DLG2: variants seen among roughly 807,000 people sequenced by gnomAD.
DLG2 encodes the protein discs large MAGUK scaffold protein 2.
DLG2 carries 45 observed loss-of-function variants against 132.5 expected under a neutral mutation model. The observed-to-expected ratio is 0.34, with a 90% confidence interval of 0.27 to 0.44. DLG2 has a LOEUF of 0.44. Among genes scored for constraint, DLG2 ranks in the 20% least tolerant of loss-of-function variants. DLG2 has a pLI of 1.00. For synonymous variants in DLG2, 424 were observed against 419.6 expected, an observed-to-expected ratio of 1.01 and a Z score of -0.13; for missense variants, 1,045 against 1,196.9, an observed-to-expected ratio of 0.87 and a Z score of 1.87.
intron 7 of DLG2, among the ~76,000 whole-genome samples, chr11:84,480,605 T>A (rs1357412847): frequency 6.6e-6 from 1 of 152,112 alleles, no homozygotes; most frequent in East Asian, 1.9e-4. Context: ...TATGAAGAAA[T>A]GCCTGGGTTT....
intron 5 of DLG2, among the ~76,000 whole-genome samples, chr11:85,153,595 C>A (rs541016104): frequency 6.6e-6 from 1 of 152,090 alleles, no homozygotes; most frequent in East Asian, 1.9e-4. Context: ...AAAATACTCC[C>A]AATTATTTTA....
At chr11:84,151,011 G>A (rs2095275310) in intron 9 of DLG2, among the ~76,000 whole-genome samples, 1 of 152,136 alleles carries the variant, frequency 6.6e-6, no homozygotes, top group Non-Finnish European at 1.5e-5. Context: ...CAGTTTGCTA[G>A]TATTTTGTTG....
At chr11:83,636,476 G>A (rs1431016804) in intron 18 of DLG2, among the ~76,000 whole-genome samples, 4 of 152,124 alleles carry the variant, frequency 2.6e-5, no homozygotes, top group East Asian at 1.9e-4. Flanking sequence ...AGATGAACAT[G>A]CATCTCCCCT....
chr11:83,745,663 G>A lies in DLG2; in HGVS notation c.1825+41027C>T, dbSNP rs181782380. Among the ~76,000 whole-genome samples the A allele has an allele frequency of 1.8e-3, 270 of 152,052 alleles. 3 individuals carry two copies. The highest frequency in any genetic ancestry group is 5.8e-3 in the African/African-American group (240 of 41,494). ...CTAAAAATATAAAAATTAGCCTGGC[G>A]TGGTGGCATGCACCTGTAGTCCCAG... On this transcript the variant is annotated intron_variant, in intron 18 of 27. Transcript: ENST00000376104.
At chr11:83,567,363 G>C (rs1352200228) in intron 19 of DLG2, among the ~76,000 whole-genome samples, 3 of 152,104 alleles carry the variant, frequency 2.0e-5, no homozygotes, top group Admixed American at 6.6e-5. Flanking sequence ...AATAGCAATA[G>C]AATAAAAAAG....
chr11:84,061,339 T>C (rs1213126740), intron 10 of DLG2, among the ~76,000 whole-genome samples: 1 of 152,206 alleles, frequency 6.6e-6, no homozygotes, highest in Middle Eastern at 3.2e-3. Context: ...CTAATAAATG[T>C]TTGTTATTGA....
intron 18 of DLG2, among the ~76,000 whole-genome samples, chr11:83,749,620 C>T (rs1425167920): frequency 6.6e-6 from 1 of 152,160 alleles, no homozygotes; most frequent in Non-Finnish European, 1.5e-5. Context: ...TGTATGCCAT[C>T]TTTGAGTTTA....
At chr11:84,693,605 C>T (rs2058291821) in intron 6 of DLG2, among the ~76,000 whole-genome samples, 1 of 151,748 alleles carries the variant, frequency 6.6e-6, no homozygotes, top group African/African-American at 2.4e-5. Context: ...AGCTTAGGCA[C>T]TCTCACAGTA....
At position 83,615,940 on chromosome 11, in the gene DLG2, T is replaced by C. The variant is rs188610818; in HGVS notation, c.1940+17271A>G. Among the ~76,000 whole-genome samples the C allele has an allele frequency of 2.6e-5, 4 of 152,344 alleles. No individual in the cohort carries two copies. The East Asian group carries it at 7.7e-4, about 29-fold the overall frequency. On this transcript the variant is annotated intron_variant, in intron 19 of 27. Coordinates refer to ENST00000376104, the MANE Select transcript of DLG2 (RefSeq NM_001142699.3). ...AAAATTGTAAGATGATAATTACGTT[T>C]TTTTAAGCCATTAAATTTGTGGTGA...
chr11:83,774,624 T>G (rs1170465370), intron 18 of DLG2, among the ~76,000 whole-genome samples: 1 of 152,148 alleles, frequency 6.6e-6, no homozygotes, highest in Non-Finnish European at 1.5e-5. Context: ...TCTTAACTAC[T>G]GCTGCTTCCC....
intron 4 of DLG2, among the ~76,000 whole-genome samples, chr11:85,243,096 C>A (rs1181261281): frequency 1.3e-5 from 2 of 151,900 alleles, no homozygotes; most frequent in African/African-American, 4.8e-5. Context: ...GCCTAATGGA[C>A]CAATCCCTGA....
At chr11:84,235,377 CAG>C (rs2097145329) in intron 8 of DLG2, among the ~76,000 whole-genome samples, 1 of 152,142 alleles carries the variant, frequency 6.6e-6, no homozygotes, top group Non-Finnish European at 1.5e-5. Context: ...AAATACTTTA[CAG>C]AGTTTGACCC....
At chr11:84,461,586 T>C (rs540916960) in intron 7 of DLG2, among the ~76,000 whole-genome samples, 183 of 151,166 alleles carry the variant, frequency 1.2e-3, no homozygotes, top group African/African-American at 4.2e-3. Context: ...TTTTTAAAAA[T>C]TGATATAAAA....
intron 7 of DLG2, among the ~76,000 whole-genome samples, chr11:84,494,859 A>G (rs140980263): frequency 1.2e-3 from 187 of 152,180 alleles, no homozygotes; most frequent in African/African-American, 4.4e-3. Flanking sequence ...CCCTGCCCCA[A>G]TTTTACCAAT....
intron 19 of DLG2, among the ~76,000 whole-genome samples, chr11:83,564,986 A>T (rs1484593164): frequency 2.0e-5 from 3 of 152,192 alleles, no homozygotes; most frequent in Non-Finnish European, 4.4e-5. Flanking sequence ...TATTATAATC[A>T]ATCATGCAGT....
chr11:83,888,479 T>C (rs200841505), intron 15 of DLG2, among the ~76,000 whole-genome samples: 4,705 of 152,246 alleles, frequency 0.031, 182 homozygotes, highest in African/African-American at 0.087. Context: ...GAACATTCCA[T>C]GCTCATGGGT....
chr11:84,518,949 T>C (rs1317238205), intron 7 of DLG2, among the ~76,000 whole-genome samples: 1 of 152,138 alleles, frequency 6.6e-6, no homozygotes, highest in Non-Finnish European at 1.5e-5. Context: ...AACAGTCTGC[T>C]CAGTAGATTA....
intron 6 of DLG2, among the ~76,000 whole-genome samples, chr11:84,633,612 T>C (rs61899000): frequency 6.8e-6 from 1 of 146,296 alleles, no homozygotes; most frequent in African/African-American, 2.6e-5. Context: ...ATTATGACTA[T>C]TTAAAAAAAA....
intron 7 of DLG2, among the ~76,000 whole-genome samples, chr11:84,506,071 G>T (rs79948982): frequency 9.0e-6 from 1 of 111,080 alleles, no homozygotes; most frequent in Non-Finnish European, 1.8e-5. Flanking sequence ...TATGACAGAG[G>T]CTCAGTTCTT....
Sources: gnomAD v4.1 joint callset for allele counts (sites outside exome capture counted in the v4.1 genomes callset) on GRCh38, gnomAD v4.1.1 for gene constraint, MANE v1.5 for transcripts, NCBI Gene and HGNC (gene_info 2026-07-23, HGNC 2026-07-21) for gene names.